Variants in PDE1C observed in about 807,000 individuals in gnomAD.
PDE1C encodes dual specificity calcium/calmodulin-dependent 3',5'-cyclic nucleotide phosphodiesterase 1C.
A neutral mutation model predicts 93.1 loss-of-function variants in PDE1C; 62 were observed. The ratio of observed to expected loss-of-function variants is 0.67; its 90% CI spans 0.54 to 0.82. PDE1C has a LOEUF of 0.82. PDE1C is among the 40% of genes least tolerant of loss of function. PDE1C has a pLI of 0.00. For synonymous variants in PDE1C, 325 were observed against 310.1 expected, an observed-to-expected ratio of 1.05 and a Z score of -0.50; for missense variants, 742 against 884.6, an observed-to-expected ratio of 0.84 and a Z score of 2.04.
intron 11 of PDE1C, among the ~76,000 whole-genome samples, chr7:31,832,609 T>TA (rs1156816271): frequency 2.6e-5 from 4 of 152,230 alleles, no homozygotes; most frequent in Admixed American, 6.5e-5. Context: ...GCATTTCTCT[T>TA]ACATGTGTTA....
chr7:32,112,307 T>C (rs1343722173), intron 3 of PDE1C, among the ~76,000 whole-genome samples: 1 of 152,080 alleles, frequency 6.6e-6, no homozygotes, highest in African/African-American at 2.4e-5. Flanking sequence ...CCTTCTCCTC[T>C]TCTTCTTTTT....
chr7:31,839,156 ATATG>A (rs1019948438), intron 9 of PDE1C, among the ~76,000 whole-genome samples: 22 of 149,100 alleles, frequency 1.5e-4, no homozygotes, highest in South Asian at 4.2e-4. Context: ...GATTATGTAT[ATATG>A]TATGTATACA....
At chr7:31,750,863 C>T (rs768903278), downstream of PDE1C, among the ~76,000 whole-genome samples, 2 of 152,212 alleles carry the variant, frequency 1.3e-5, no homozygotes, top group Non-Finnish European at 2.9e-5. Flanking sequence ...TCCTGAGTAG[C>T]TGCGCAAAGT....
chr7:31,648,391 A>AT, the PDE1C span, among the ~76,000 whole-genome samples: 4 of 151,874 alleles, frequency 2.6e-5, no homozygotes, highest in Non-Finnish European at 5.9e-5. Flanking sequence ...GTTTTTATTT[A>AT]TTTTTTTTCT....
intron 2 of PDE1C, among the ~76,000 whole-genome samples, chr7:31,957,207 T>A (rs187261675): frequency 1.4e-3 from 205 of 150,816 alleles, no homozygotes; most frequent in Admixed American, 5.3e-3. Context: ...GATATAAATG[T>A]AAAGAAGGTT....
intron 2 of PDE1C, among the ~76,000 whole-genome samples, chr7:31,961,801 C>T (rs1032851515): frequency 8.5e-5 from 13 of 152,240 alleles, no homozygotes; most frequent in African/African-American, 2.9e-4. Flanking sequence ...CAAACTAAGG[C>T]AAAAACCAAC....
intron 1 of PDE1C, among the ~76,000 whole-genome samples, chr7:32,263,156 G>A (rs564204958): frequency 2.6e-5 from 4 of 152,286 alleles, no homozygotes; most frequent in African/African-American, 9.6e-5. Flanking sequence ...AGCAGGAAAG[G>A]TAGAAAGAGC....
intron 3 of PDE1C, among the ~76,000 whole-genome samples, chr7:32,099,890 C>G (rs1012715645): frequency 1.1e-4 from 16 of 152,186 alleles, no homozygotes; most frequent in African/African-American, 3.6e-4. Flanking sequence ...AATTATCACC[C>G]CTTCAGTGAG....
chr7:31,659,190 G>A, the PDE1C span, among the ~76,000 whole-genome samples: 1 of 152,062 alleles, frequency 6.6e-6, no homozygotes, highest in Non-Finnish European at 1.5e-5. Context: ...TTCTACTTTG[G>A]ATCATTTATA....
intron 1 of PDE1C, among the ~76,000 whole-genome samples, chr7:32,422,328 T>C (rs1785448567): frequency 6.6e-6 from 1 of 152,218 alleles, no homozygotes; most frequent in Admixed American, 6.5e-5. Flanking sequence ...TTTTCATTTG[T>C]TTATAATTTC....
At chr7:32,285,937 C>T (rs1173383601) in intron 1 of PDE1C, among the ~76,000 whole-genome samples, 3 of 152,172 alleles carry the variant, frequency 2.0e-5, no homozygotes, top group African/African-American at 2.4e-5. Context: ...TCAAACAGCA[C>T]TTGGCCTCAG....
At chr7:32,159,109 AC>A (rs1250324643) in intron 3 of PDE1C, among the ~76,000 whole-genome samples, 2 of 152,040 alleles carry the variant, frequency 1.3e-5, no homozygotes, top group Admixed American at 6.6e-5. Context: ...GGTCTGGGAG[AC>A]GGGGAGAGGG....
chr7:32,355,378 C>G (rs1204562864), intron 1 of PDE1C, among the ~76,000 whole-genome samples: 4 of 152,196 alleles, frequency 2.6e-5, no homozygotes, highest in Admixed American at 2.6e-4. Context: ...GGGCAGTGCA[C>G]ACTCCAAACA....
rs923002856 is a variant in PDE1C, at chr7:32,169,958, T to C, written c.137-2A>G. ...ACAGACAGTTCTGTGACTTAGACCC[T>C]GAGGCATGGGGAAAAGAGAGATGCA... On this transcript the variant is annotated splice_acceptor_variant, in intron 2 of 18. Coordinates refer to the PDE1C transcript ENST00000396193. LOFTEE classifies it high-confidence loss of function. 2 of 1,610,494 alleles carry C rather than the reference T, an allele frequency of 1.2e-6. No homozygotes were observed. Among genetic ancestry groups the C allele is most frequent in the Non-Finnish European group, 1.7e-6 (2 of 1,178,448 alleles).
intron 11 of PDE1C, among the ~76,000 whole-genome samples, chr7:31,831,671 TAATAA>T (rs575928548): frequency 6.6e-6 from 1 of 150,526 alleles, no homozygotes; most frequent in Non-Finnish European, 1.5e-5. Flanking sequence ...TAAATAACAA[TAATAA>T]AATAAAGTGA....
chr7:32,314,068 A>C (rs891755396), intron 1 of PDE1C, among the ~76,000 whole-genome samples: 1 of 151,822 alleles, frequency 6.6e-6, no homozygotes, highest in African/African-American at 2.4e-5. Flanking sequence ...AAATAAATAA[A>C]TAAATAAAAT....
chr7:31,956,480 G>T (rs1300153590), intron 2 of PDE1C, among the ~76,000 whole-genome samples: 3 of 150,380 alleles, frequency 2.0e-5, no homozygotes, highest in Non-Finnish European at 3.0e-5. Context: ...GATCATTATT[G>T]TTCGTTTTGT....
intron 1 of PDE1C, among the ~76,000 whole-genome samples, chr7:32,337,585 T>C (rs1783653407): frequency 6.6e-6 from 1 of 152,196 alleles, no homozygotes; most frequent in African/African-American, 2.4e-5. Flanking sequence ...ATTAGATATC[T>C]GACTACAAAT....
intron 1 of PDE1C, among the ~76,000 whole-genome samples, chr7:32,422,121 C>T (rs1310622803): frequency 2.0e-5 from 3 of 152,094 alleles, no homozygotes; most frequent in African/African-American, 7.2e-5. Flanking sequence ...CCACACTTGC[C>T]CATTACAGTG....
Sources: gnomAD v4.1 joint callset for allele counts (sites outside exome capture counted in the v4.1 genomes callset) on GRCh38, gnomAD v4.1.1 for gene constraint, MANE v1.5 for transcripts, NCBI Gene and HGNC (gene_info 2026-07-23, HGNC 2026-07-21) for gene names.